CAMK1D: variants seen among roughly 807,000 people sequenced by gnomAD.
CAMK1D encodes calcium/calmodulin-dependent protein kinase type 1D.
Under a neutral mutation model 47.7 loss-of-function variants are expected in CAMK1D, and 9 were observed. The observed-to-expected ratio is 0.19, with a 90% CI of 0.11 to 0.33. The LOEUF is 0.33. Among genes scored for constraint, CAMK1D ranks in the 10% least tolerant of loss-of-function variants. The pLI is 1.00. For missense variants in CAMK1D, 291 were observed against 488.7 expected, an observed-to-expected ratio of 0.60 and a Z score of 3.81; for synonymous variants, 184 against 184.9, an observed-to-expected ratio of 0.99 and a Z score of 0.04.
chr10:12,408,983 A>G (rs1484938581), intron 1 of CAMK1D, among the ~76,000 whole-genome samples: 4 of 151,464 alleles, frequency 2.6e-5, no homozygotes, highest in Admixed American at 6.6e-5. Context: ...CCTCCCGAGT[A>G]GTAGTTGGGA....
chr10:12,480,804 A>G, intron 1 of CAMK1D, among the ~76,000 whole-genome samples: 1 of 152,248 alleles, frequency 6.6e-6, no homozygotes, highest in Admixed American at 6.5e-5. Context: ...GATGTTTAAT[A>G]AGTGCACATT....
chr10:12,542,601 A>G (rs1482539734), intron 1 of CAMK1D, among the ~76,000 whole-genome samples: 1 of 152,220 alleles, frequency 6.6e-6, no homozygotes, highest in Non-Finnish European at 1.5e-5. Context: ...TTGAGGTTTC[A>G]TCAGTTCCAT....
At chr10:12,563,664 T>TGAGAGAGAGGGAGA (rs1564414370) in intron 2 of CAMK1D, among the ~76,000 whole-genome samples, 3 of 130,048 alleles carry the variant, frequency 2.3e-5, no homozygotes, top group African/African-American at 6.1e-5. Context: ...GCGGAAGGTT[T>TGAGAGAGAGGGAGA]GAGAGAGAGA....
chr10:12,453,193 CTTT>C (rs59619218), intron 1 of CAMK1D, among the ~76,000 whole-genome samples: 5 of 137,624 alleles, frequency 3.6e-5, no homozygotes, highest in Admixed American at 1.5e-4. Context: ...TTTCTTTTTT[CTTT>C]TTTTTTTTTT....
intron 2 of CAMK1D, among the ~76,000 whole-genome samples, chr10:12,618,599 G>T (rs1433774021): frequency 6.6e-6 from 1 of 152,040 alleles, no homozygotes; most frequent in Non-Finnish European, 1.5e-5. Flanking sequence ...TTTCATTTAA[G>T]TATCAGGTAA....
chr10:12,683,408 A>G (rs1245288708), intron 3 of CAMK1D, among the ~76,000 whole-genome samples: 1 of 152,154 alleles, frequency 6.6e-6, no homozygotes, highest in Non-Finnish European at 1.5e-5. Flanking sequence ...TTATAAGCCT[A>G]CCAATATGAT....
At chr10:12,680,596 T>A (rs139827688) in intron 3 of CAMK1D, among the ~76,000 whole-genome samples, 1 of 152,322 alleles carries the variant, frequency 6.6e-6, no homozygotes, top group Non-Finnish European at 1.5e-5. Flanking sequence ...GGTTTATGAA[T>A]AACGCATGTT....
intron 1 of CAMK1D, among the ~76,000 whole-genome samples, chr10:12,463,784 G>A (rs897037910): frequency 2.6e-5 from 4 of 151,936 alleles, no homozygotes; most frequent in African/African-American, 9.7e-5. Flanking sequence ...TAATCCGCAG[G>A]TGTCAAGGGA....
intron 1 of CAMK1D, among the ~76,000 whole-genome samples, chr10:12,550,368 T>C (rs1836538148): frequency 6.6e-6 from 1 of 152,228 alleles, no homozygotes; most frequent in African/African-American, 2.4e-5. Context: ...GTTCTTGTTC[T>C]ACCTCCCGGA....
intron 1 of CAMK1D, among the ~76,000 whole-genome samples, chr10:12,483,357 C>T (rs1045573971): frequency 2.6e-5 from 4 of 151,908 alleles, no homozygotes; most frequent in African/African-American, 7.3e-5. Context: ...TGCACCACCA[C>T]GCCTGGCTAA....
At chr10:12,614,865 TAGAAACTGCCGAC>T (rs1381049046) in intron 2 of CAMK1D, among the ~76,000 whole-genome samples, 1 of 152,200 alleles carries the variant, frequency 6.6e-6, no homozygotes, top group East Asian at 1.9e-4. Flanking sequence ...GCTATTGTGT[TAGAAACTGCCGAC>T]ATGGAGTAAT....
At chr10:12,811,533 C>G (rs1000075472) in intron 6 of CAMK1D, among the ~76,000 whole-genome samples, 1 of 152,176 alleles carries the variant, frequency 6.6e-6, no homozygotes, top group African/African-American at 2.4e-5. Flanking sequence ...ATGTCCTTTT[C>G]CTGTGTCCTC....
intron 2 of CAMK1D, among the ~76,000 whole-genome samples, chr10:12,607,779 G>A (rs746582993): frequency 6.6e-6 from 1 of 152,204 alleles, no homozygotes; most frequent in South Asian, 2.1e-4. Flanking sequence ...TAAGCAACAT[G>A]GTAAAACCTT....
rs191664265 is a variant in CAMK1D, at chr10:12,661,318, G to C, written c.225-5418G>C. Among the ~76,000 whole-genome samples the C allele has an allele frequency of 3.9e-3, 593 of 152,284 alleles. 7 individuals carry two copies. The highest frequency in any genetic ancestry group is 0.013 in the African/African-American group (547 of 41,546). On this transcript the variant is annotated intron_variant, in intron 2 of 10. Transcript: ENST00000619168. ...AGCTCTTGGATAGTCTCATAACTTAGTTAAGTTATAGCGTAATTGCTTTAA... is the reference window on the plus strand; with the variant it reads ...AGCTCTTGGATAGTCTCATAACTTACTTAAGTTATAGCGTAATTGCTTTAA...
chr10:12,800,810 G>C (rs1401588069), intron 6 of CAMK1D, among the ~76,000 whole-genome samples: 1 of 152,206 alleles, frequency 6.6e-6, no homozygotes, highest in African/African-American at 2.4e-5. Context: ...TCTAAAGCAG[G>C]TTGAGTGCAT....
intron 8 of CAMK1D, 93 bp downstream of exon 8, chr10:12,816,421 C>T: frequency 2.0e-6 from 2 of 984,604 alleles, no homozygotes; most frequent in Non-Finnish European, 3.1e-6. Flanking sequence ...TTTATGAAAT[C>T]CACACAGGAT....
intron 2 of CAMK1D, among the ~76,000 whole-genome samples, chr10:12,596,779 C>G (rs183326717): frequency 6.6e-6 from 1 of 152,244 alleles, no homozygotes; most frequent in Non-Finnish European, 1.5e-5. Context: ...TGCTTCTGAT[C>G]ACTAGTGTCT....
chr10:12,735,545 G>A (rs1000791117), intron 3 of CAMK1D, among the ~76,000 whole-genome samples: 2 of 152,122 alleles, frequency 1.3e-5, no homozygotes, highest in African/African-American at 4.8e-5. Context: ...GCGAACCTTC[G>A]GTCTCTTCGC....
At chr10:12,778,126 T>C (rs1480932566) in intron 5 of CAMK1D, among the ~76,000 whole-genome samples, 2 of 152,252 alleles carry the variant, frequency 1.3e-5, no homozygotes, top group Admixed American at 6.5e-5. Context: ...TTCAGACTTT[T>C]GATAGGTCGA....
Sources: gnomAD v4.1 joint callset for allele counts (sites outside exome capture counted in the v4.1 genomes callset) on GRCh38, gnomAD v4.1.1 for gene constraint, MANE v1.5 for transcripts, NCBI Gene and HGNC (gene_info 2026-07-23, HGNC 2026-07-21) for gene names.